The following DCC variants were observed in gnomAD, a reference collection of about 807,000 sequenced individuals.
The protein encoded by DCC is DCC netrin 1 receptor.
In DCC, 58 loss-of-function variants were observed where a neutral mutation model predicts 172.5. The ratio of observed to expected loss-of-function variants is 0.34; its 90% confidence interval spans 0.27 to 0.42. DCC has a LOEUF of 0.42. Ranked by LOEUF, DCC falls within the 10% of genes least tolerant of loss-of-function variation. The probability of loss-of-function intolerance (pLI) is 1.00; values close to 1 mark genes in which losing one functional copy is unlikely to be tolerated. For missense variants in DCC, 1,740 were observed against 1,791.0 expected (o/e 0.97, Z 0.51); for synonymous variants, 709 against 644.5 (o/e 1.10, Z -1.52).
intron 2 of DCC, among the ~76,000 whole-genome samples, chr18:52,825,903 C>T (rs1490853165): frequency 3.3e-5 from 5 of 152,072 alleles, no homozygotes; most frequent in Non-Finnish European, 5.9e-5. Flanking sequence ...ACTGTGATGA[C>T]TTATAGTTTA....
chr18:53,115,472 T>G (rs1241448064), intron 7 of DCC, among the ~76,000 whole-genome samples: 1 of 151,332 alleles, frequency 6.6e-6, no homozygotes, highest in African/African-American at 2.4e-5. Flanking sequence ...GTGACTTAAT[T>G]GAATGAAATG....
At position 53,410,481 on chromosome 18, in the gene DCC, A is replaced by T; in HGVS notation, c.2965A>T (p.Asn989Tyr). The T allele has an allele frequency of 6.2e-7, 1 of 1,610,296 alleles. No homozygotes were observed. Among genetic ancestry groups the T allele is most frequent in the Non-Finnish European group, 8.5e-7 (1 of 1,176,530 alleles). ...CATCTTATTTTATACCTTGGACAAG[A>T]ACATCCCAATTGATGACTGGATTAT... ...AYILFYTLDKNIPIDDWIMET... is the reference protein window; with the variant it reads ...AYILFYTLDKYIPIDDWIMET... The change falls in exon 20 of 29, where the codon AAC (asparagine) becomes TAC (tyrosine). Residue 989 changes from asparagine (N) to tyrosine (Y), a missense_variant. This residue lies in a region of DCC where 1,732 missense variants were observed against 1,767.4 expected (regional missense o/e 0.98). Coordinates refer to ENST00000442544, the MANE Select transcript of DCC (RefSeq NM_005215.4).
chr18:53,307,107 T>C (rs2057209650), intron 13 of DCC, among the ~76,000 whole-genome samples: 1 of 152,226 alleles, frequency 6.6e-6, no homozygotes, highest in African/African-American at 2.4e-5. Context: ...TATTTTTTCT[T>C]CTTTTCTCTC....
At chr18:52,839,263 G>C (rs541720002) in intron 2 of DCC, among the ~76,000 whole-genome samples, 1 of 152,130 alleles carries the variant, frequency 6.6e-6, no homozygotes, top group African/African-American at 2.4e-5. Flanking sequence ...GTGTTTGCAC[G>C]TGTATGTGTG....
At chr18:52,447,432 A>T (rs1598825850) in intron 1 of DCC, among the ~76,000 whole-genome samples, 2 of 152,206 alleles carry the variant, frequency 1.3e-5, no homozygotes, top group African/African-American at 4.8e-5. Flanking sequence ...GATGACAGTT[A>T]CTATACAGGT....
chr18:53,497,356 C>T (rs1028441457), intron 26 of DCC, among the ~76,000 whole-genome samples: 1 of 152,200 alleles, frequency 6.6e-6, no homozygotes, highest in African/African-American at 2.4e-5. Flanking sequence ...CTAAGCAATG[C>T]CTGCAATCTA....
At chr18:53,382,231 C>G (rs900284756) in intron 15 of DCC, among the ~76,000 whole-genome samples, 4 of 151,902 alleles carry the variant, frequency 2.6e-5, no homozygotes, top group Admixed American at 1.3e-4. Context: ...TGCAAAAAGG[C>G]AATTTTAAAT....
chr18:52,515,470 A>G (rs376646682), intron 1 of DCC, among the ~76,000 whole-genome samples: 1 of 151,054 alleles, frequency 6.6e-6, no homozygotes, highest in African/African-American at 2.4e-5. Context: ...ATCCGGGTGC[A>G]GTGGCAGGCG....
intron 24 of DCC, among the ~76,000 whole-genome samples, chr18:53,462,702 A>T (rs2045574724): frequency 6.6e-6 from 1 of 152,100 alleles, no homozygotes; most frequent in African/African-American, 2.4e-5. Context: ...GGTGCCAAAA[A>T]GGTTGGGAAT....
chr18:53,351,403 A>ATATATATACTG (rs2057803972), intron 15 of DCC, among the ~76,000 whole-genome samples: 1 of 10,544 alleles, frequency 9.5e-5, no homozygotes, highest in African/African-American at 2.9e-4. Flanking sequence ...TATACAGTGT[A>ATATATATACTG]TATATATATA....
chr18:52,518,360 T>G (rs1485866550), intron 1 of DCC, among the ~76,000 whole-genome samples: 1 of 152,122 alleles, frequency 6.6e-6, no homozygotes, highest in African/African-American at 2.4e-5. Flanking sequence ...CCTTGCAAGT[T>G]GCAATATGTA....
rs374479808 is a variant in DCC at position 53,508,495 on chromosome 18, G to A, written c.4111+8985G>A. On this transcript the variant is annotated intron_variant, in intron 27 of 28. Coordinates refer to ENST00000442544, the MANE Select transcript of DCC (RefSeq NM_005215.4). ...GGCATGAGCCACCGCGCCTGGCTAA[G>A]ACTGCATTTTTTTAAACCACGATAA... Among the ~76,000 whole-genome samples, 7 of 152,174 alleles carry A rather than the reference G, an allele frequency of 4.6e-5. No homozygotes were observed. In the East Asian group the frequency reaches 7.7e-4, roughly 17 times the overall value.
At chr18:53,102,058 C>G (rs1431210459) in intron 7 of DCC, among the ~76,000 whole-genome samples, 3 of 152,020 alleles carry the variant, frequency 2.0e-5, no homozygotes, top group Non-Finnish European at 4.4e-5. Flanking sequence ...CAAGTCTTGA[C>G]TCGGATGCAT....
chr18:53,384,876 C>G (rs148595831), intron 15 of DCC, among the ~76,000 whole-genome samples: 1 of 151,020 alleles, frequency 6.6e-6, no homozygotes, highest in Non-Finnish European at 1.5e-5. Context: ...GAGGCAGAGT[C>G]TCGCTGTGTC....
chr18:52,952,532 C>A (rs1222969072), intron 5 of DCC, among the ~76,000 whole-genome samples: 1 of 152,110 alleles, frequency 6.6e-6, no homozygotes, highest in Non-Finnish European at 1.5e-5. Flanking sequence ...GTTAGAAAGG[C>A]CATACCAATT....
At position 52,373,299 on chromosome 18, in the gene DCC, T is replaced by C. The variant is rs373155770; in HGVS notation, c.91+32421T>C. Among the ~76,000 whole-genome samples the C allele has an allele frequency of 8.5e-5, 13 of 152,252 alleles. No homozygotes were observed. The East Asian group carries it at 2.5e-3, about 29-fold the overall frequency. The stretch of plus-strand genomic sequence containing the variant: ...CTTCTAAAGTGACCAACAATGAATC[T>C]GAGAGTGTGTGATGCAAGCCTCAAG... On this transcript the variant is annotated intron_variant, in intron 1 of 28. Coordinates refer to ENST00000442544, the MANE Select transcript of DCC (RefSeq NM_005215.4).
At chr18:52,698,050 A>G (rs988993540) in intron 1 of DCC, among the ~76,000 whole-genome samples, 2 of 152,242 alleles carry the variant, frequency 1.3e-5, no homozygotes, top group African/African-American at 4.8e-5. Context: ...GGTAACACTC[A>G]TAAAGTTTAA....
intron 1 of DCC, among the ~76,000 whole-genome samples, chr18:52,705,632 A>G (rs73957618): frequency 0.017 from 2,552 of 152,320 alleles, 83 homozygotes; most frequent in African/African-American, 0.058. Context: ...TAGAAAAAAC[A>G]GTAGACTAGA....
chr18:52,732,692 T>TA (rs2036663094), intron 1 of DCC, among the ~76,000 whole-genome samples: 1 of 152,186 alleles, frequency 6.6e-6, no homozygotes, highest in African/African-American at 2.4e-5. Flanking sequence ...TGAAGTCCAA[T>TA]ACATTTCAAA....
Sources: allele counts gnomAD v4.1 joint callset (sites outside exome capture counted in the v4.1 genomes callset), GRCh38; gene constraint gnomAD v4.1.1; regional missense constraint gnomAD v4.1.1; transcripts MANE v1.5; gene names NCBI Gene and HGNC (gene_info 2026-07-23, HGNC 2026-07-21).